Variants in NRXN1 observed in about 807,000 individuals in gnomAD.
The protein encoded by NRXN1 is neurexin 1.
Under a neutral mutation model 150.9 loss-of-function variants are expected in NRXN1, and 39 were observed. The ratio of observed to expected loss-of-function variants is 0.26; its 90% CI spans 0.20 to 0.34. NRXN1 has a LOEUF of 0.34. NRXN1 is among the 10% of genes least tolerant of loss of function. The pLI, the probability that NRXN1 is intolerant of heterozygous loss-of-function variation, is 1.00. For synonymous variants in NRXN1, 924 were observed against 757.0 expected, an observed-to-expected ratio of 1.22 and a Z score of -3.62; for missense variants, 1,815 against 1,949.9, an observed-to-expected ratio of 0.93 and a Z score of 1.30.
chr2:49,938,975 A>C (rs575233834), intron 22 of NRXN1, among the ~76,000 whole-genome samples: 55 of 152,284 alleles, frequency 3.6e-4, no homozygotes, highest in African/African-American at 1.3e-3. Flanking sequence ...CATTTTGTCA[A>C]TTTACTAAGT....
At chr2:50,854,354 T>C (rs1674953898) in intron 5 of NRXN1, among the ~76,000 whole-genome samples, 1 of 152,010 alleles carries the variant, frequency 6.6e-6, no homozygotes, top group Non-Finnish European at 1.5e-5. Flanking sequence ...TCTAAGCATA[T>C]CCAAATGCTA....
chr2:50,152,534 G>A (rs537902010), intron 18 of NRXN1, among the ~76,000 whole-genome samples: 6 of 151,816 alleles, frequency 4.0e-5, no homozygotes, highest in Middle Eastern at 3.4e-3. Flanking sequence ...TTATTTATCT[G>A]GGAATATCTT....
At position 50,687,795 on chromosome 2, in the gene NRXN1, A is replaced by C. The variant is rs1040523398; in HGVS notation, c.833-64180T>G. On this transcript the variant is annotated intron_variant, in intron 5 of 22. Transcript: ENST00000401669. The stretch of plus-strand genomic sequence containing the variant: ...ATTCAGTTTCAAAGTATTTCTCTGC[A>C]GGAGACCAAGGCAGTTTTGACAAAC... Among the ~76,000 whole-genome samples the C allele has an allele frequency of 2.0e-5, 3 of 152,204 alleles. No homozygotes were observed. The South Asian group carries it at 6.2e-4, about 31-fold the overall frequency.
chr2:50,615,878 G>A (rs917132178), intron 8 of NRXN1: 2 of 151,986 alleles, frequency 1.3e-5, no homozygotes, highest in South Asian at 2.1e-4. Context: ...TAAAATGATC[G>A]AAAATTCTTA....
intron 18 of NRXN1, among the ~76,000 whole-genome samples, chr2:50,145,395 C>T (rs1014541848): frequency 6.6e-6 from 1 of 151,500 alleles, no homozygotes; most frequent in African/African-American, 2.4e-5. Flanking sequence ...TGTGTATTTC[C>T]TAATAATAAT....
rs972429396 is a variant in NRXN1, at chr2:50,527,447, C to A, written c.2374+1178G>T. Among the ~76,000 whole-genome samples, 3 of 152,014 alleles carry A rather than the reference C, an allele frequency of 2.0e-5. No homozygotes were observed. The East Asian group carries it at 5.8e-4, about 29-fold the overall frequency. On this transcript the variant is annotated intron_variant, in intron 12 of 22. Transcript: ENST00000401669. ...GGTTATTTTCAGGAACTATTTTGTTCGAGATCTTTTTAAATGCCTGGGATA... is the reference window on the plus strand; with the variant it reads ...GGTTATTTTCAGGAACTATTTTGTTAGAGATCTTTTTAAATGCCTGGGATA...
At chr2:49,989,261 G>A (rs1027333676) in intron 21 of NRXN1, among the ~76,000 whole-genome samples, 1 of 152,148 alleles carries the variant, frequency 6.6e-6, no homozygotes, top group East Asian at 1.9e-4. Flanking sequence ...ATCTTTACTT[G>A]AAAATCACTG....
intron 5 of NRXN1, among the ~76,000 whole-genome samples, chr2:50,781,925 G>A (rs2105521864): frequency 6.6e-6 from 1 of 152,156 alleles, no homozygotes; most frequent in South Asian, 2.1e-4. Flanking sequence ...ACTAGTAAAA[G>A]GTGCTTTTGT....
At chr2:50,290,482 T>C (rs901041454) in intron 17 of NRXN1, among the ~76,000 whole-genome samples, 8 of 152,210 alleles carry the variant, frequency 5.3e-5, no homozygotes, top group African/African-American at 1.9e-4. Flanking sequence ...GCCTGCACTT[T>C]ATTGTAATCA....
chr2:50,004,395 T>A (rs1684430022), intron 21 of NRXN1, among the ~76,000 whole-genome samples: 1 of 152,062 alleles, frequency 6.6e-6, no homozygotes, highest in African/African-American at 2.4e-5. Flanking sequence ...GGAAGAATCT[T>A]TAGTATTCTC....
In NRXN1 at chr2:49,922,187, G is replaced by A; in HGVS notation, c.4281C>T (p.Ser1427=). The A allele has an allele frequency of 1.9e-6, 3 of 1,614,128 alleles. No individual in the cohort carries two copies. Among genetic ancestry groups the A allele is most frequent in the Non-Finnish European group, 2.5e-6 (3 of 1,180,008 alleles). Residue 1427 remains serine (S), a synonymous_variant, in exon 23 of 23, where the codon TCC becomes TCT. Coordinates refer to ENST00000401669, the MANE Select transcript of NRXN1 (RefSeq NM_001330078.2). ...YPGSAEVIRE[S]SSTTGMVVGI... is the part of the protein sequence containing the mutation. ...CAACGACCATACCCGTGGTGCTGCT[G>A]GACTCCCGGATCACTTCTGCTGAGC...
chr2:50,683,711 G>C (rs1690804015), intron 5 of NRXN1, among the ~76,000 whole-genome samples: 2 of 137,978 alleles, frequency 1.4e-5, no homozygotes, highest in South Asian at 2.5e-4. Flanking sequence ...CAGTAGTTTA[G>C]TGTGAGGGCA....
intron 5 of NRXN1, among the ~76,000 whole-genome samples, chr2:50,820,377 T>C (rs1669551585): frequency 6.6e-6 from 1 of 152,170 alleles, no homozygotes; most frequent in African/African-American, 2.4e-5. Context: ...TGATTTGAAC[T>C]AATTTAACTC....
At chr2:50,265,998 A>ATTATTTTTT (rs2068806950) in intron 17 of NRXN1, among the ~76,000 whole-genome samples, 2 of 109,950 alleles carry the variant, frequency 1.8e-5, no homozygotes, top group African/African-American at 7.3e-5. Flanking sequence ...TATTATTATT[A>ATTATTTTTT]TTTATTTTTT....
chr2:50,386,431 G>C (rs562580566), intron 17 of NRXN1, among the ~76,000 whole-genome samples: 1 of 151,854 alleles, frequency 6.6e-6, no homozygotes, highest in East Asian at 1.9e-4. Flanking sequence ...GTTCATAGGA[G>C]GTAATTTCAA....
chr2:50,606,533 C>T (rs1286592058), intron 8 of NRXN1, among the ~76,000 whole-genome samples: 2 of 151,040 alleles, frequency 1.3e-5, no homozygotes, highest in African/African-American at 4.9e-5. Flanking sequence ...TAACATTGTG[C>T]CTCTACATAA....
chr2:50,591,070 A>G (rs1359129062), intron 8 of NRXN1, among the ~76,000 whole-genome samples: 1 of 152,196 alleles, frequency 6.6e-6, no homozygotes, highest in African/African-American at 2.4e-5. Context: ...AACATGCTGC[A>G]AAGAAAAAAG....
chr2:49,950,795 T>C (rs1245435591), intron 21 of NRXN1, among the ~76,000 whole-genome samples: 1 of 151,954 alleles, frequency 6.6e-6, no homozygotes, highest in African/African-American at 2.4e-5. Flanking sequence ...TGTACACTCA[T>C]CTACCCAATT....
intron 17 of NRXN1, among the ~76,000 whole-genome samples, chr2:50,245,736 T>TA: frequency 6.6e-6 from 1 of 151,396 alleles, no homozygotes; most frequent in Non-Finnish European, 1.5e-5. Flanking sequence ...AATTATGGTC[T>TA]AAAAAATGTC....
Sources: gnomAD v4.1 joint callset for allele counts (sites outside exome capture counted in the v4.1 genomes callset) on GRCh38, gnomAD v4.1.1 for gene constraint, MANE v1.5 for transcripts, NCBI Gene and HGNC (gene_info 2026-07-23, HGNC 2026-07-21) for gene names.